The following BCL9 variants were observed in gnomAD, a reference collection of about 807,000 sequenced individuals.
BCL9 encodes the protein BCL9 transcription coactivator.
Under a neutral mutation model 88.5 loss-of-function variants are expected in BCL9, and 25 were observed. The observed-to-expected ratio is 0.28, with a 90% CI of 0.21 to 0.39. The LOEUF (loss-of-function observed/expected upper bound fraction) is 0.39. BCL9 is among the 10% of genes least tolerant of loss of function. BCL9 has a pLI of 1.00. For synonymous variants in BCL9, 711 were observed against 673.3 expected, an observed-to-expected ratio of 1.06 and a Z score of -0.87; for missense variants, 1,817 against 1,877.8, an observed-to-expected ratio of 0.97 and a Z score of 0.60.
In BCL9 at chr1:147,624,804, G is replaced by C. The variant is rs1278674603; in HGVS notation, c.4126G>C (p.Gly1376Arg). 2.5e-6 allele frequency: 4 copies of C among 1,614,116 alleles called. No individual in the cohort carries two copies. The Admixed American group carries it at 5.0e-5, about 20-fold the overall frequency. The change falls in exon 10 of 10, where the codon GGC (glycine) becomes CGC (arginine). Residue 1376 changes from glycine to arginine, a missense_variant. By Grantham distance (125) the Gly-to-Arg change is moderately radical. This residue lies in a region of BCL9 where 589 missense variants were observed against 686.2 expected (regional missense o/e 0.86). Transcript: ENST00000234739. The surrounding 1 kb of genome is among the most constrained non-coding windows in gnomAD (Gnocchi z 4.4). ...GCTCTACACCCACCCTGGGCCTGTG[G>C]GCTCTCCAGGCATGATGATGTCCAT... ...AGLYTHPGPV[G>R]SPGMMMSMQG...
At chr1:147,599,369 A>T (rs1657217514) in intron 1 of BCL9, among the ~76,000 whole-genome samples, 1 of 152,174 alleles carries the variant, frequency 6.6e-6, no homozygotes, top group African/African-American at 2.4e-5. Flanking sequence ...TTGAAGGTTG[A>T]GGGCTAGGCC....
chr1:147,575,823 T>C (rs1184608034), intron 1 of BCL9, among the ~76,000 whole-genome samples: 1 of 152,212 alleles, frequency 6.6e-6, no homozygotes, highest in Admixed American at 6.5e-5. Flanking sequence ...TAGAGTAAAC[T>C]AATGTGATGT....
intron 1 of BCL9, among the ~76,000 whole-genome samples, chr1:147,545,438 G>A (rs972630601): frequency 2.4e-4 from 36 of 152,194 alleles, no homozygotes; most frequent in African/African-American, 8.4e-4. Flanking sequence ...GTGGGGAGTT[G>A]AGGAGTGAGT....
chr1:147,616,574 TG>T (rs1293048287), intron 7 of BCL9, among the ~76,000 whole-genome samples: 70 of 152,246 alleles, frequency 4.6e-4, no homozygotes, highest in African/African-American at 1.6e-3. Context: ...GAGACCATCC[TG>T]GCTAACCCAG....
chr1:147,608,308 G>A (rs1289953362), intron 3 of BCL9, among the ~76,000 whole-genome samples: 2 of 147,656 alleles, frequency 1.4e-5, no homozygotes, highest in African/African-American at 2.5e-5. Flanking sequence ...GTAATAGAAT[G>A]CTAGACCTGG....
chr1:147,573,539 G>A (rs111788772), intron 1 of BCL9, among the ~76,000 whole-genome samples: 7 of 152,306 alleles, frequency 4.6e-5, no homozygotes, highest in African/African-American at 1.7e-4. Context: ...GAAGCAACTC[G>A]GTGGGACAGT....
chr1:147,620,027 C>G lies in BCL9; in HGVS notation c.1872C>G (p.Pro624=). The G allele has an allele frequency of 1.2e-6, 2 of 1,614,162 alleles. No individual in the cohort carries two copies. Among genetic ancestry groups the G allele is most frequent in the Non-Finnish European group, 1.7e-6 (2 of 1,180,032 alleles). ...GPGRGERFPN[P]QGLSEEMFQQ... Reference sequence around the variant, plus strand: ...GCCGAGGGGAACGCTTCCCAAACCCCCAAGGATTGTCTGAAGAGATGTTTC... The same window carrying G: ...GCCGAGGGGAACGCTTCCCAAACCCGCAAGGATTGTCTGAAGAGATGTTTC... Residue 624 remains proline (P), a synonymous_variant, in exon 8 of 10, where the codon CCC becomes CCG. Coordinates refer to ENST00000234739, the MANE Select transcript of BCL9 (RefSeq NM_004326.4).
At chr1:147,573,022 T>G (rs1655951272) in intron 1 of BCL9, among the ~76,000 whole-genome samples, 1 of 152,278 alleles carries the variant, frequency 6.6e-6, no homozygotes, top group African/African-American at 2.4e-5. Flanking sequence ...CATGTGTTTG[T>G]GTACCCACAT....
intron 3 of BCL9, among the ~76,000 whole-genome samples, chr1:147,611,071 CA>C (rs1657977740): frequency 6.6e-6 from 1 of 152,120 alleles, no homozygotes; most frequent in East Asian, 1.9e-4. Context: ...CCCCCGCCCC[CA>C]AGGCCCTGAG....
chr1:147,619,568 G>T lies in BCL9; in HGVS notation c.1413G>T (p.Ala471=). The change falls in exon 8 of 10, where the codon GCG becomes GCT. Residue 471 remains alanine (A), a synonymous_variant. Transcript: ENST00000234739. This position sits in a 1 kb window ranked among gnomAD's most constrained non-coding sequence, Gnocchi z 4.1. The part of the protein sequence containing the change: ...HLDHMTPEQI[A]WLKLQQEFYE... ...ACCATATGACTCCCGAGCAGATAGC[G>T]TGGCTGAAACTGCAGCAGGAGTTTT... is the stretch of plus-strand genomic sequence containing the variant. The T allele has an allele frequency of 6.2e-7, 1 of 1,614,054 alleles. No homozygotes were observed. Among genetic ancestry groups the T allele is most frequent in the Non-Finnish European group, 8.5e-7 (1 of 1,180,008 alleles).
chr1:147,559,831 G>A (rs1379624652), intron 1 of BCL9, among the ~76,000 whole-genome samples: 1 of 152,252 alleles, frequency 6.6e-6, no homozygotes, highest in East Asian at 1.9e-4. Flanking sequence ...TAGAAAAATA[G>A]TATTTGAAAA....
At chr1:147,612,334 A>G (rs1553202721) in intron 4 of BCL9, among the ~76,000 whole-genome samples, 1 of 152,050 alleles carries the variant, frequency 6.6e-6, no homozygotes, top group Non-Finnish European at 1.5e-5. Flanking sequence ...TTTTGTCCTC[A>G]CTCCCTGAGG....
At chr1:147,615,778 T>G (rs782016468) in intron 6 of BCL9, 25 bp from the exon 7 acceptor site, 3 of 1,583,196 alleles carry the variant, frequency 1.9e-6, no homozygotes, top group East Asian at 4.5e-5. Flanking sequence ...AGTTCTAGTG[T>G]GTGCTGTCTC....
At chr1:147,570,653 T>TG (rs1481643504) in intron 1 of BCL9, among the ~76,000 whole-genome samples, 13,196 of 51,264 alleles carry the variant, frequency 0.26, 1,274 homozygotes, top group East Asian at 0.45. Flanking sequence ...TTTTTTTTTG[T>TG]AGATGGAGTT....
chr1:147,558,702 A>G (rs1199061953), intron 1 of BCL9, among the ~76,000 whole-genome samples: 1 of 152,196 alleles, frequency 6.6e-6, no homozygotes, highest in Admixed American at 6.5e-5. Flanking sequence ...TTCTTCCAGC[A>G]GAACATTCTG....
At chr1:147,553,539 A>C (rs1225810569) in intron 1 of BCL9, among the ~76,000 whole-genome samples, 1 of 152,194 alleles carries the variant, frequency 6.6e-6, no homozygotes, top group Non-Finnish European at 1.5e-5. Flanking sequence ...TGCATCTCCA[A>C]GAGCATCCAG....
intron 4 of BCL9, 98 bp from the exon 5 acceptor site, chr1:147,612,785 A>C: frequency 8.1e-7 from 1 of 1,231,958 alleles, no homozygotes; most frequent in Non-Finnish European, 1.2e-6. Flanking sequence ...TTTAGTCCTA[A>C]GGGTCTCCTT....
At chr1:147,595,353 G>A (rs937018472) in intron 1 of BCL9, among the ~76,000 whole-genome samples, 1 of 152,228 alleles carries the variant, frequency 6.6e-6, no homozygotes, top group African/African-American at 2.4e-5. Context: ...GTGAAATCAA[G>A]GCTGAAATAG....
At chr1:147,617,656 A>G (rs1658357659) in intron 7 of BCL9, among the ~76,000 whole-genome samples, 1 of 152,236 alleles carries the variant, frequency 6.6e-6, no homozygotes, top group Non-Finnish European at 1.5e-5. Flanking sequence ...AATTGTTCAT[A>G]TGCAGAGATA....
Sources: allele counts gnomAD v4.1 joint callset (sites outside exome capture counted in the v4.1 genomes callset), GRCh38; gene constraint gnomAD v4.1.1; regional missense constraint gnomAD v4.1.1; non-coding constraint Gnocchi (gnomAD v3.1); transcripts MANE v1.5; gene names NCBI Gene and HGNC (gene_info 2026-07-23, HGNC 2026-07-21).